TRPS1: variants seen among roughly 807,000 people sequenced by gnomAD.
TRPS1 encodes transcriptional repressor GATA binding 1, also known as zinc finger transcription factor Trps1.
Under a neutral mutation model 101.2 loss-of-function variants are expected in TRPS1, and 6 were observed. That is an observed-to-expected ratio of 0.06 (90% CI 0.03 to 0.12). The LOEUF is 0.12. Among genes scored for constraint, TRPS1 ranks in the 10% least tolerant of loss-of-function variants. The pLI, the probability that TRPS1 is intolerant of heterozygous loss-of-function variation, is 1.00. For missense variants in TRPS1, 1,363 were observed against 1,567.0 expected (o/e 0.87, Z 2.20); for synonymous variants, 578 against 589.8 (o/e 0.98, Z 0.29).
chr8:115,563,638 T>G (rs1817000376), intron 5 of TRPS1, among the ~76,000 whole-genome samples: 2 of 152,158 alleles, frequency 1.3e-5, no homozygotes. Flanking sequence ...CACACAAGTT[T>G]ACTTTAACAA....
intron 3 of TRPS1, among the ~76,000 whole-genome samples, chr8:115,613,953 A>G (rs557074448): frequency 2.3e-4 from 35 of 152,366 alleles, no homozygotes; most frequent in African/African-American, 5.5e-4. Context: ...CTGAAAACGT[A>G]TAACATTTGC....
At chr8:115,597,463 T>C (rs1250143638) in intron 4 of TRPS1, among the ~76,000 whole-genome samples, 1 of 152,078 alleles carries the variant, frequency 6.6e-6, no homozygotes, top group Non-Finnish European at 1.5e-5. Flanking sequence ...TTTTTGACAT[T>C]TAATTTCTTT....
chr8:115,440,077 C>CT (rs1186430208), intron 5 of TRPS1, among the ~76,000 whole-genome samples: 2 of 152,228 alleles, frequency 1.3e-5, no homozygotes, highest in African/African-American at 4.8e-5. Context: ...ATCCAGACCT[C>CT]TGTGTACTAC....
intron 1 of TRPS1, among the ~76,000 whole-genome samples, chr8:115,649,647 A>G (rs2737250): frequency 0.49 from 74,772 of 152,042 alleles, 21,438 homozygotes; most frequent in African/African-American, 0.79. Flanking sequence ...CTGAGGTTGC[A>G]CTCACTTTTA....
chr8:115,449,191 TAA>T (rs1813807960), intron 5 of TRPS1, among the ~76,000 whole-genome samples: 1 of 152,220 alleles, frequency 6.6e-6, no homozygotes, highest in Non-Finnish European at 1.5e-5. Context: ...GAAATAATTT[TAA>T]GTTACAACTT....
chr8:115,656,006 A>G (rs1489911990), intron 1 of TRPS1, among the ~76,000 whole-genome samples: 2 of 152,164 alleles, frequency 1.3e-5, no homozygotes, highest in Non-Finnish European at 2.9e-5. Flanking sequence ...GGAGACACCA[A>G]AATATTGTTA....
intron 1 of TRPS1, among the ~76,000 whole-genome samples, chr8:115,661,916 A>G (rs976742521): frequency 6.6e-6 from 1 of 151,976 alleles, no homozygotes; most frequent in Non-Finnish European, 1.5e-5. Flanking sequence ...TTTTGAAGCA[A>G]CAAACAAAAT....
At chr8:115,523,142 C>T (rs1032655771) in intron 5 of TRPS1, among the ~76,000 whole-genome samples, 1 of 151,962 alleles carries the variant, frequency 6.6e-6, no homozygotes, top group East Asian at 1.9e-4. Context: ...CCCAACATAT[C>T]CCAAAATATA....
At chr8:115,544,276 TG>T (rs1365050944) in intron 5 of TRPS1, among the ~76,000 whole-genome samples, 1 of 151,428 alleles carries the variant, frequency 6.6e-6, no homozygotes, top group Non-Finnish European at 1.5e-5. Flanking sequence ...ATCAGGGAAA[TG>T]GGAGTTATAG....
chr8:115,584,702 CAACT>C (rs1241028282), intron 5 of TRPS1, among the ~76,000 whole-genome samples: 1 of 150,652 alleles, frequency 6.6e-6, no homozygotes, highest in African/African-American at 2.4e-5. Context: ...TTCAGAATAC[CAACT>C]AATACCACCA....
chr8:115,433,752 CATTA>C (rs1187145453), intron 5 of TRPS1, among the ~76,000 whole-genome samples: 1 of 152,104 alleles, frequency 6.6e-6, no homozygotes, highest in Non-Finnish European at 1.5e-5. Flanking sequence ...ACTCTTAATA[CATTA>C]ATTATCTGTT....
At chr8:115,518,073 C>CA (rs367787116) in intron 5 of TRPS1, among the ~76,000 whole-genome samples, 151,698 of 151,698 alleles carry the variant, frequency 1, 75,849 homozygotes, top group Non-Finnish European at 1. Context: ...GAAGAACTTC[C>CA]ACATGCCCAG....
chr8:115,577,527 T>G (rs1586421684), intron 5 of TRPS1, among the ~76,000 whole-genome samples: 1 of 152,112 alleles, frequency 6.6e-6, no homozygotes, highest in African/African-American at 2.4e-5. Context: ...AACAGAGGAC[T>G]TAAAATGTTA....
intron 5 of TRPS1, among the ~76,000 whole-genome samples, chr8:115,474,757 G>T (rs1563757075): frequency 6.6e-6 from 1 of 152,076 alleles, no homozygotes; most frequent in Non-Finnish European, 1.5e-5. Flanking sequence ...TGTACAAAAT[G>T]TAAAGAAGTA....
At chr8:115,570,878 G>A (rs1318354093) in intron 5 of TRPS1, among the ~76,000 whole-genome samples, 1 of 152,112 alleles carries the variant, frequency 6.6e-6, no homozygotes, top group Non-Finnish European at 1.5e-5. Flanking sequence ...AACTCAGCAT[G>A]TCTGTTCATT....
At chr8:115,641,126 C>T (rs1176324655) in intron 1 of TRPS1, among the ~76,000 whole-genome samples, 1 of 152,214 alleles carries the variant, frequency 6.6e-6, no homozygotes, top group Admixed American at 6.5e-5. Flanking sequence ...GACACTGTCA[C>T]ATTAACTCAC....
At chr8:115,566,915 T>C (rs1487593285) in intron 5 of TRPS1, among the ~76,000 whole-genome samples, 2 of 152,114 alleles carry the variant, frequency 1.3e-5, no homozygotes, top group African/African-American at 2.4e-5. Flanking sequence ...ACTAAGGCAA[T>C]AATACTGCTT....
chr8:115,475,910 A>G (rs569852222), intron 5 of TRPS1, among the ~76,000 whole-genome samples: 66 of 152,328 alleles, frequency 4.3e-4, no homozygotes, highest in Non-Finnish European at 7.6e-4. Flanking sequence ...ACAGAAAGTA[A>G]GCAACAAAGA....
Position 115,604,032 on chromosome 8 carries a change from T to C in TRPS1, c.1937A>G (p.Tyr646Cys), listed in dbSNP as rs571137340. 6 of 1,614,002 alleles carry C rather than the reference T, an allele frequency of 3.7e-6. No homozygotes were observed. Among genetic ancestry groups the C allele is most frequent in the East Asian group, 4.5e-5 (2 of 44,866 alleles). The change falls in exon 4 of 7, where the codon TAT (tyrosine) becomes TGT (cysteine). Residue 646 changes from tyrosine to cysteine, a missense_variant. This residue lies in a region of TRPS1 where 1,020 missense variants were observed against 1,073.0 expected (regional missense o/e 0.95). Coordinates refer to ENST00000395715, the MANE Select transcript of TRPS1 (RefSeq NM_014112.5). This position sits in a 1 kb window ranked among gnomAD's most constrained non-coding sequence, Gnocchi z 4.1. ...TGCTTGGGACTCATGCACACTTTCA[T>C]AGTGAAAGAGGAGTACATCTACGTC... ...TPDVDVLLFH[Y>C]ESVHESQASD...
Sources: allele counts gnomAD v4.1 joint callset (sites outside exome capture counted in the v4.1 genomes callset), GRCh38; gene constraint gnomAD v4.1.1; regional missense constraint gnomAD v4.1.1; non-coding constraint Gnocchi (gnomAD v3.1); transcripts MANE v1.5; gene names NCBI Gene and HGNC (gene_info 2026-07-23, HGNC 2026-07-21).